The following SNTB1 variants were observed in gnomAD, a reference collection of about 807,000 sequenced individuals.
SNTB1 encodes the protein syntrophin beta 1, also known as beta-1-syntrophin.
Under a neutral mutation model 48.9 loss-of-function variants are expected in SNTB1, and 36 were observed. That is an observed-to-expected ratio of 0.74 (90% confidence interval 0.56 to 0.97). SNTB1 has a LOEUF of 0.97. Among genes scored for constraint, SNTB1 ranks in the 50% least tolerant of loss-of-function variants. SNTB1 has a pLI of 0.00. For missense variants in SNTB1, 786 were observed against 703.4 expected (o/e 1.12, Z -1.33); for synonymous variants, 299 against 294.6 (o/e 1.01, Z -0.15).
chr8:120,788,153 T>C (rs1587163346), intron 1 of SNTB1, among the ~76,000 whole-genome samples: 1 of 152,236 alleles, frequency 6.6e-6, no homozygotes, highest in Non-Finnish European at 1.5e-5. Flanking sequence ...AGAAGAAATA[T>C]AGTCTTTTTT....
intron 3 of SNTB1, among the ~76,000 whole-genome samples, chr8:120,627,860 A>C (rs553149870): frequency 6.6e-5 from 10 of 152,332 alleles, no homozygotes; most frequent in African/African-American, 2.4e-4. Flanking sequence ...TGGAGTTAGA[A>C]AGAGAAGCTC....
chr8:120,590,711 C>T (rs1326530613), intron 3 of SNTB1, among the ~76,000 whole-genome samples: 8 of 139,330 alleles, frequency 5.7e-5, no homozygotes, highest in South Asian at 2.2e-4. Context: ...GAGACAGAGT[C>T]GCTCTGTAGT....
At chr8:120,593,734 ATTGT>A (rs1265181718) in intron 3 of SNTB1, among the ~76,000 whole-genome samples, 2 of 152,202 alleles carry the variant, frequency 1.3e-5, no homozygotes, top group Non-Finnish European at 2.9e-5. Flanking sequence ...TAATGAGAAA[ATTGT>A]TTGGGGAGAT....
intron 1 of SNTB1, among the ~76,000 whole-genome samples, chr8:120,772,021 C>T (rs1294127185): frequency 1.3e-5 from 2 of 152,216 alleles, no homozygotes; most frequent in Non-Finnish European, 2.9e-5. Context: ...AGGCATGTGC[C>T]ACCACACCCG....
chr8:120,759,237 A>C (rs1819370792), intron 1 of SNTB1, among the ~76,000 whole-genome samples: 1 of 152,200 alleles, frequency 6.6e-6, no homozygotes, highest in Admixed American at 6.5e-5. Context: ...TGAGCTAAAC[A>C]GTTTGTGGTT....
At chr8:120,738,908 AAC>A (rs1818997222) in intron 1 of SNTB1, among the ~76,000 whole-genome samples, 1 of 152,140 alleles carries the variant, frequency 6.6e-6, no homozygotes, top group African/African-American at 2.4e-5. Context: ...TGTTCCAATA[AAC>A]AGTCACTAAA....
chr8:120,751,639 TATTA>T (rs1563589774), intron 1 of SNTB1, among the ~76,000 whole-genome samples: 2 of 152,164 alleles, frequency 1.3e-5, no homozygotes, highest in Non-Finnish European at 2.9e-5. Flanking sequence ...TCTAATGAAC[TATTA>T]TATATACATT....
chr8:120,679,311 G>A (rs931197532), intron 2 of SNTB1, among the ~76,000 whole-genome samples: 1 of 152,158 alleles, frequency 6.6e-6, no homozygotes, highest in African/African-American at 2.4e-5. Flanking sequence ...TAACAAGCTT[G>A]GAAATCCAGT....
At chr8:120,774,239 T>G (rs1429079576) in intron 1 of SNTB1, among the ~76,000 whole-genome samples, 1 of 152,098 alleles carries the variant, frequency 6.6e-6, no homozygotes, top group Non-Finnish European at 1.5e-5. Context: ...TTGCAGGTGG[T>G]GTGATTAACT....
intron 4 of SNTB1, among the ~76,000 whole-genome samples, chr8:120,558,564 GAAAAAATAAATAGGACCGTATA>G (rs1312786628): frequency 3.9e-5 from 6 of 152,104 alleles, no homozygotes; most frequent in Non-Finnish European, 7.4e-5. Flanking sequence ...GTGAATAAGT[GAAAAAATAAATAGGACCGTATA>G]ATATCAGAGA....
chr8:120,561,327 AAAAAAAAAAAAAAG>A (rs1211662120), intron 4 of SNTB1, among the ~76,000 whole-genome samples: 5 of 107,514 alleles, frequency 4.7e-5, no homozygotes, highest in African/African-American at 1.2e-4. Flanking sequence ...CTCAAAAAAA[AAAAAAAAAAAAAAG>A]AAAAAAAGAA....
intron 3 of SNTB1, among the ~76,000 whole-genome samples, chr8:120,590,685 CT>C (rs1255676747): frequency 1.8e-3 from 180 of 99,896 alleles, no homozygotes; most frequent in South Asian, 9.7e-3. Context: ...CTTTTCTTTT[CT>C]TTTTTTTTTT....
intron 1 of SNTB1, among the ~76,000 whole-genome samples, chr8:120,778,213 C>T (rs542283829): frequency 6.6e-6 from 1 of 152,156 alleles, no homozygotes; most frequent in Non-Finnish European, 1.5e-5. Flanking sequence ...CCTTCCTGTT[C>T]CCAGGAACAT....
chr8:120,580,022 G>A (rs1455219821), intron 3 of SNTB1, among the ~76,000 whole-genome samples: 1 of 152,124 alleles, frequency 6.6e-6, no homozygotes, highest in Non-Finnish European at 1.5e-5. Flanking sequence ...CCAAATGATG[G>A]GGTGGGACTA....
intron 3 of SNTB1, among the ~76,000 whole-genome samples, chr8:120,628,176 C>T (rs1003171280): frequency 4.6e-5 from 7 of 151,946 alleles, no homozygotes; most frequent in African/African-American, 7.3e-5. Flanking sequence ...GTTTGCAAAC[C>T]GAGATAACAA....
intron 2 of SNTB1, among the ~76,000 whole-genome samples, chr8:120,641,975 C>T (rs182137593): frequency 2.0e-5 from 3 of 152,214 alleles, no homozygotes; most frequent in East Asian, 3.9e-4. Flanking sequence ...TTTTTGGCAG[C>T]GATTCTCAAG....
chr8:120,778,074 T>C (rs1268875254), intron 1 of SNTB1, among the ~76,000 whole-genome samples: 1 of 152,252 alleles, frequency 6.6e-6, no homozygotes, highest in East Asian at 1.9e-4. Context: ...AAACTTTGTG[T>C]GTGCACAAAC....
At chr8:120,572,016 C>T (rs1815863725) in intron 4 of SNTB1, among the ~76,000 whole-genome samples, 1 of 152,102 alleles carries the variant, frequency 6.6e-6, no homozygotes, top group Admixed American at 6.6e-5. Context: ...CCCACCCCCG[C>T]TGCTGGTCTT....
intron 1 of SNTB1, among the ~76,000 whole-genome samples, chr8:120,698,998 T>C (rs1408261666): frequency 6.6e-6 from 1 of 152,188 alleles, no homozygotes; most frequent in Non-Finnish European, 1.5e-5. Flanking sequence ...CAGGAGTTTG[T>C]TATTCATTTG....
Sources: gnomAD v4.1 joint callset for allele counts (sites outside exome capture counted in the v4.1 genomes callset) on GRCh38, gnomAD v4.1.1 for gene constraint, MANE v1.5 for transcripts, NCBI Gene and HGNC (gene_info 2026-07-23, HGNC 2026-07-21) for gene names.